DPP9: variants seen among roughly 807,000 people sequenced by gnomAD.
DPP9 encodes dipeptidyl peptidase 9, also known as dipeptidyl peptidase IV-related protein-2.
In DPP9, 50 loss-of-function variants were observed where a neutral mutation model predicts 110.7. The observed-to-expected ratio is 0.45, with a 90% CI of 0.36 to 0.57. The LOEUF is 0.57. Among genes scored for constraint, DPP9 ranks in the 20% least tolerant of loss-of-function variants. DPP9 has a pLI of 0.00. For synonymous variants in DPP9, 561 were observed against 514.4 expected, an observed-to-expected ratio of 1.09 and a Z score of -1.23; for missense variants, 1,022 against 1,217.9, an observed-to-expected ratio of 0.84 and a Z score of 2.39.
At position 4,714,121 on chromosome 19, in the gene DPP9, C is replaced by T. The variant is rs374237003; in HGVS notation, c.273G>A (p.Thr91=). ...APHDFQFVQK[T]DESGPHSHRL... is the part of the protein sequence containing the mutation. ...GGTGGGAGTGGGGCCCAGACTCATC[C>T]GTCTTCTGCACAAACTGGAAGTCGT... Residue 91 remains threonine, a synonymous_variant, in exon 4 of 22, where the codon ACG becomes ACA. Coordinates refer to ENST00000262960, the MANE Select transcript of DPP9 (RefSeq NM_139159.5). 4.1e-5 allele frequency: 66 copies of T among 1,613,372 alleles called. 1 individual carries two copies. The highest frequency in any genetic ancestry group is 3.6e-4 in the African/African-American group (27 of 75,016).
At chr19:4,719,615 G>A in intron 3 of DPP9, 1 of 583,932 alleles carries the variant, frequency 1.7e-6, no homozygotes, top group Non-Finnish European at 3.1e-6. Context: ...ACCGTGAAGT[G>A]CCTGGGATGG....
At chr19:4,688,307 C>T (rs1333734921) in intron 16 of DPP9, 1 of 159,160 alleles carries the variant, frequency 6.3e-6, no homozygotes, top group Non-Finnish European at 1.4e-5. Flanking sequence ...GGAGTTCTTA[C>T]TATGTTGCTC....
At position 4,694,756 on chromosome 19, in the gene DPP9, T is replaced by C. The variant is rs200292042; in HGVS notation, c.1421A>G (p.Asn474Ser). ...ATGGCAGAAGCCGGTCTTGCATTCATTGGCGCGGAGAAAGCAGAGCTCGTC... is the reference window on the plus strand; with the variant it reads ...ATGGCAGAAGCCGGTCTTGCATTCACTGGCGCGGAGAAAGCAGAGCTCGTC... ...GEDELCFLRA[N>S]ECKTGFCHLY... The change falls in exon 13 of 22, where the codon AAT (asparagine) becomes AGT (serine). Residue 474 changes from asparagine to serine, a missense_variant. Transcript: ENST00000262960. This position sits in a 1 kb window ranked among gnomAD's most constrained non-coding sequence, Gnocchi z 4.0. 22 of 1,613,786 alleles carry C rather than the reference T, an allele frequency of 1.4e-5. No individual in the cohort carries two copies. Among genetic ancestry groups the C allele is most frequent in the African/African-American group, 2.7e-5 (2 of 74,912 alleles).
rs8105807 is a variant in DPP9, at chr19:4,684,630, A to G, written c.2178+33T>C. On this transcript the variant is annotated intron_variant, in intron 18 of 21. Transcript: ENST00000262960. This position sits in a 1 kb window ranked among gnomAD's most constrained non-coding sequence, Gnocchi z 4.8. ...GCCCAGGGCTCCCTTCCCGAGACCC[A>G]AAGGACCCAGAGCAACAGGGAGGAG... 511,431 of 1,609,646 alleles carry G rather than the reference A, an allele frequency of 0.32. 90,720 individuals carry two copies. The highest frequency in any genetic ancestry group is 0.72 in the African/African-American group (53,924 of 74,848).
At chr19:4,714,713 C>T (rs2092994046) in intron 3 of DPP9, among the ~76,000 whole-genome samples, 1 of 151,932 alleles carries the variant, frequency 6.6e-6, no homozygotes, top group Non-Finnish European at 1.5e-5. Flanking sequence ...ACTGAAACCA[C>T]CTCCCACCAG....
chr19:4,714,094 GC>G lies in DPP9; in HGVS notation c.299del (p.Arg100ProfsTer58), dbSNP rs1162979581. 1 of 1,610,682 alleles carries G rather than the reference GC, an allele frequency of 6.2e-7. No individual in the cohort carries two copies. The highest frequency in any genetic ancestry group is 1.7e-5 in the Admixed American group (1 of 59,864). The stretch of plus-strand genomic sequence containing the variant: ...GGCCCGGCTTACCCAGGTAGTAGAG[GC>G]GGTGGGAGTGGGGCCCAGACTCATC... Reference protein sequence around the residue: ...KTDESGPHSHRLYYLGMPYGS... With the variant: ...KTDESGPHSHXLYYLGMPYGS... On this transcript the variant is annotated frameshift_variant, in exon 4 of 22. Coordinates refer to ENST00000262960, the MANE Select transcript of DPP9 (RefSeq NM_139159.5). LOFTEE classifies it high-confidence loss of function.
chr19:4,722,667 T>TCTAG, intron 1 of DPP9, 116 bp from the exon 2 acceptor site: 1 of 672,212 alleles, frequency 1.5e-6, no homozygotes, highest in East Asian at 2.7e-5. Context: ...CTGGCTAGAT[T>TCTAG]CTAGCTCTGC....
In DPP9 at chr19:4,714,254, T is replaced by C. The variant is rs1174692996; in HGVS notation, c.140A>G (p.Asp47Gly). 1 of 1,582,818 alleles carries C rather than the reference T, an allele frequency of 6.3e-7. No individual in the cohort carries two copies. The highest frequency in any genetic ancestry group is 1.3e-5 in the African/African-American group (1 of 74,248). Reference protein sequence around the residue: ...TADRGDAAATDDPAARFQVQK... With the variant: ...TADRGDAAATGDPAARFQVQK... ...CACCTGGAAGCGGGCGGCCGGGTCA[T>C]CTGTGGCGGCTGCGTCGCCTCGGTC... Residue 47 changes from aspartate to glycine, a missense_variant, in exon 4 of 22, where the codon GAT becomes GGT. Transcript: ENST00000262960.
Position 4,684,861 on chromosome 19 carries a change from G to T in DPP9, c.2032-52C>A. Reference sequence around the variant, plus strand: ...CAGCACGAGATGCCGGGCAGGACGGGCCTGGCAGGGGAGATGCCGGTGGGC... The same window carrying T: ...CAGCACGAGATGCCGGGCAGGACGGTCCTGGCAGGGGAGATGCCGGTGGGC... On this transcript the variant is annotated intron_variant, in intron 17 of 21. Transcript: ENST00000262960. The surrounding 1 kb of genome is among the most constrained non-coding windows in gnomAD (Gnocchi z 4.8). The T allele has an allele frequency of 6.4e-7, 1 of 1,559,356 alleles. No homozygotes were observed. The highest frequency in any genetic ancestry group is 8.7e-7 in the Non-Finnish European group (1 of 1,152,236).
chr19:4,684,738 G>T lies in DPP9; in HGVS notation c.2103C>A (p.Tyr701Ter). 6.2e-7 allele frequency: 1 copy of T among 1,609,974 alleles called. No individual in the cohort carries two copies. The highest frequency in any genetic ancestry group is 8.5e-7 in the Non-Finnish European group (1 of 1,178,258). Reference sequence around the variant, plus strand: ...CCCTGCCGTCAATCACAACCACGGCGTAGCCCAGGGAGGCCAGTGTGTTGA... The same window carrying T: ...CCCTGCCGTCAATCACAACCACGGCTTAGCCCAGGGAGGCCAGTGTGTTGA... ...LRLNTLASLGYAVVVIDGRGS... is the reference protein window; with the variant it reads ...LRLNTLASLG The change falls in exon 18 of 22, where the codon TAC (tyrosine) becomes TAA (stop). Residue 701 changes from tyrosine (Y) to a stop codon, truncating the protein, a stop_gained. Transcript: ENST00000262960. LOFTEE classifies it high-confidence loss of function. This position sits in a 1 kb window ranked among gnomAD's most constrained non-coding sequence, Gnocchi z 4.8.
rs1244585563 is a variant in DPP9 at position 4,685,977 on chromosome 19, C to T, written c.1886-206G>A. 2 of 549,168 alleles carry T rather than the reference C, an allele frequency of 3.6e-6. No homozygotes were observed. The highest frequency in any genetic ancestry group is 1.9e-5 in the African/African-American group (1 of 52,688). The allele number at this position is 549,168 out of a possible 1,614,324, so 34.0% of individuals were successfully genotyped here. A position where few individuals can be genotyped will look rare whatever the true frequency, so the allele number is the denominator to read the frequency against. ...TTTTGTAGAGATGGGGTCTTGTCTC[C>T]CTGTTGCCCAGGCTGGTCTCGACTT... On this transcript the variant is annotated intron_variant, in intron 16 of 21. Transcript: ENST00000262960. The surrounding 1 kb of genome is among the most constrained non-coding windows in gnomAD (Gnocchi z 5.8).
At chr19:4,696,394 C>T (rs146161140) in intron 11 of DPP9, among the ~76,000 whole-genome samples, 7 of 148,404 alleles carry the variant, frequency 4.7e-5, no homozygotes, top group East Asian at 4.0e-4. Context: ...CTGAGGTGGG[C>T]GGGTCGCTTG....
rs775837013 is a variant in DPP9, at chr19:4,685,653, G to A, written c.2004C>T (p.Thr668=). 8.1e-6 allele frequency: 13 copies of A among 1,611,094 alleles called. No homozygotes were observed. Among genetic ancestry groups the A allele is most frequent in the African/African-American group, 8.0e-5 (6 of 74,900 alleles). Residue 668 remains threonine, a synonymous_variant, in exon 17 of 22, where the codon ACC becomes ACT. Transcript: ENST00000262960. The surrounding 1 kb of genome is among the most constrained non-coding windows in gnomAD (Gnocchi z 5.8). ...GGGGGCCTCCATATACAAAGAGGAC[G>A]GTGGGGTGCTTCTTCCCTGGCTGCA... The part of the protein sequence containing the change: ...HALQPGKKHP[T]VLFVYGGPQV...
In DPP9 at chr19:4,687,875, G is replaced by C. The variant is rs1267379993; in HGVS notation, c.1885+882C>G. Among the ~76,000 whole-genome samples, 8 of 152,164 alleles carry C rather than the reference G, an allele frequency of 5.3e-5. No homozygotes were observed. In the East Asian group the frequency reaches 1.5e-3, roughly 29 times the overall value. On this transcript the variant is annotated intron_variant, in intron 16 of 21. Transcript: ENST00000262960. This position sits in a 1 kb window ranked among gnomAD's most constrained non-coding sequence, Gnocchi z 4.7. ...TACAGTGGTGCGATCTCAGCTCACTGCAACCTCTGTGTCCTGGGCTCAGGC... is the reference window on the plus strand; with the variant it reads ...TACAGTGGTGCGATCTCAGCTCACTCCAACCTCTGTGTCCTGGGCTCAGGC...
chr19:4,679,445 C>T, intron 21 of DPP9: 1 of 236,674 alleles, frequency 4.2e-6, no homozygotes, highest in South Asian at 5.2e-5. Context: ...GGCCCCAGCG[C>T]CTTAGGAAGG....
In DPP9 at chr19:4,710,319, C is replaced by T. The variant is rs939831027; in HGVS notation, c.313+3762G>A. ...AGACAGGAATTCTTGCTTTCCCTTT[C>T]GAGGGAGTTCCAGAACTGTCTGGAA... is the stretch of plus-strand genomic sequence containing the variant. On this transcript the variant is annotated intron_variant, in intron 4 of 21. Transcript: ENST00000262960. This position sits in a 1 kb window ranked among gnomAD's most constrained non-coding sequence, Gnocchi z 5.6. Among the ~76,000 whole-genome samples, 10 of 152,204 alleles carry T rather than the reference C, an allele frequency of 6.6e-5. No homozygotes were observed. Among genetic ancestry groups the T allele is most frequent in the Admixed American group, 3.3e-4 (5 of 15,278 alleles).
Position 4,718,169 on chromosome 19 carries a change from C to T in DPP9, c.56+1682G>A, listed in dbSNP as rs1196620928. 1.3e-5 allele frequency among the ~76,000 whole-genome samples: 2 copies of T among 152,142 alleles called. No individual in the cohort carries two copies. Among genetic ancestry groups the T allele is most frequent in the African/African-American group, 4.8e-5 (2 of 41,430 alleles). On this transcript the variant is annotated intron_variant, in intron 3 of 21. Transcript: ENST00000262960. This position sits in a 1 kb window ranked among gnomAD's most constrained non-coding sequence, Gnocchi z 4.3. ...TCCTGGGCTCCAGCGATCCTGCCACCTCGGTCTAGCAAATAGCTGGGATGA... is the reference window on the plus strand; with the variant it reads ...TCCTGGGCTCCAGCGATCCTGCCACTTCGGTCTAGCAAATAGCTGGGATGA...
chr19:4,710,455 T>C lies in DPP9; in HGVS notation c.313+3626A>G, dbSNP rs2145852940. On this transcript the variant is annotated intron_variant, in intron 4 of 21. Transcript: ENST00000262960. This position sits in a 1 kb window ranked among gnomAD's most constrained non-coding sequence, Gnocchi z 5.6. ...TTTCCCAATGCTGCAGTCTGAGGCCTGGAACCTGAGCCGGCCCCAGCCCAT... is the reference window on the plus strand; with the variant it reads ...TTTCCCAATGCTGCAGTCTGAGGCCCGGAACCTGAGCCGGCCCCAGCCCAT... Among the ~76,000 whole-genome samples the C allele has an allele frequency of 6.6e-6, 1 of 152,326 alleles. No homozygotes were observed. Among genetic ancestry groups the C allele is most frequent in the African/African-American group, 2.4e-5 (1 of 41,570 alleles).
At chr19:4,678,207 G>C (rs952139286) in intron 21 of DPP9, among the ~76,000 whole-genome samples, 1 of 152,058 alleles carries the variant, frequency 6.6e-6, no homozygotes, top group African/African-American at 2.4e-5. Context: ...CCGCCTCCCA[G>C]GTTCAAGCGA....
Sources: allele counts gnomAD v4.1 joint callset (sites outside exome capture counted in the v4.1 genomes callset), GRCh38; gene constraint gnomAD v4.1.1; non-coding constraint Gnocchi (gnomAD v3.1); transcripts MANE v1.5; gene names NCBI Gene and HGNC (gene_info 2026-07-23, HGNC 2026-07-21).